The following C15orf40 variants were observed in gnomAD, a reference collection of about 807,000 sequenced individuals.
C15orf40 encodes the protein chromosome 15 open reading frame 40, also known as UPF0235 protein C15orf40.
A neutral mutation model predicts 13.9 loss-of-function variants in C15orf40; 9 were observed. The ratio of observed to expected loss-of-function variants is 0.65; its 90% confidence interval spans 0.39 to 1.13. C15orf40 has a LOEUF of 1.13. Ranked by LOEUF, C15orf40 falls within the 50% of genes most tolerant of loss-of-function variation. C15orf40 has a pLI of 0.01. For synonymous variants in C15orf40, 95 were observed against 69.2 expected (o/e 1.37, Z -1.85); for missense variants, 225 against 188.5 (o/e 1.19, Z -1.13).
chr15:83,004,963 C>T lies in C15orf40; in HGVS notation c.*634G>A, dbSNP rs1366045014. Reference sequence around the variant, plus strand: ...TTGCATGGTACAATCTTGAGTAAGTCTCTCAACTTCTGGATATAGGAAATC... The same window carrying T: ...TTGCATGGTACAATCTTGAGTAAGTTTCTCAACTTCTGGATATAGGAAATC... On this transcript the variant is annotated 3_prime_UTR_variant, in exon 4 of 4. Coordinates refer to ENST00000304177, the MANE Select transcript of C15orf40 (RefSeq NM_144597.3). 1 of 1,283,278 alleles carries T rather than the reference C, an allele frequency of 7.8e-7. No individual in the cohort carries two copies. The highest frequency in any genetic ancestry group is 2.3e-5 in the Admixed American group (1 of 43,132). 79.5% of individuals were successfully genotyped at this position (1,283,278 alleles called of 1,614,324 possible). A position where few individuals can be genotyped will look rare whatever the true frequency, so the allele number is the denominator to read the frequency against.
rs114478510 is a variant in C15orf40, at chr15:83,011,561, T to G, written c.47A>C (p.Asn16Thr). 2,793 of 1,605,888 alleles carry G rather than the reference T, an allele frequency of 1.7e-3. 18 individuals are homozygous for G. In the African/African-American group the frequency reaches 0.019, roughly 11 times the overall value. ...SGLRHLRATP[N>T]TRGSARLLCA... ...AAGAAGCCGAGCGGAGCCCCGAGTA[T>G]TGGGTGTTGCCCGAAGGTGCCTCAG... Residue 16 changes from asparagine (N) to threonine (T), a missense_variant, in exon 1 of 4, where the codon AAT (asparagine) becomes ACT (threonine). Asn to Thr is a moderately conservative substitution (Grantham distance 65). Coordinates refer to ENST00000304177, the MANE Select transcript of C15orf40 (RefSeq NM_144597.3).
downstream of C15orf40, chr15:82,994,767 A>T (rs1245240629): frequency 6.6e-6 from 1 of 152,204 alleles, no homozygotes; most frequent in East Asian, 1.9e-4. Flanking sequence ...GGATTTTGAA[A>T]TATTAAATAA....
At position 83,011,612 on chromosome 15, in the gene C15orf40, G is replaced by T. The variant is rs370200041; in HGVS notation, c.-5C>A. On this transcript the variant is annotated 5_prime_UTR_variant, in exon 1 of 4. Coordinates refer to ENST00000304177, the MANE Select transcript of C15orf40 (RefSeq NM_144597.3). ...CCCGCTGCGGAGCCGCAGCATCCCC[G>T]CCTGGGAAGGCGCCGGAAGAGCCCT... 1.9e-6 allele frequency: 3 copies of T among 1,568,094 alleles called. No homozygotes were observed. The highest frequency in any genetic ancestry group is 1.4e-5 in the African/African-American group (1 of 73,104).
chr15:83,009,254 C>T (rs2031866831), intron 2 of C15orf40, among the ~76,000 whole-genome samples: 1 of 152,206 alleles, frequency 6.6e-6, no homozygotes, highest in African/African-American at 2.4e-5. Context: ...TTTACAAATA[C>T]TAACTTCTTT....
At position 83,000,490 on chromosome 15, in the gene C15orf40, GAGA is replaced by G. The variant is rs1254170665; in HGVS notation, c.*5104_*5106del. 4.6e-5 allele frequency: 7 copies of G among 152,338 alleles called. No individual in the cohort carries two copies. The highest frequency in any genetic ancestry group is 1.4e-4 in the African/African-American group (6 of 41,564). 9.4% of individuals were successfully genotyped at this position (152,338 alleles called of 1,614,324 possible). A position where few individuals can be genotyped will look rare whatever the true frequency, so the allele number is the denominator to read the frequency against. On this transcript the variant is annotated 3_prime_UTR_variant, in exon 4 of 4. Coordinates refer to ENST00000304177, the MANE Select transcript of C15orf40 (RefSeq NM_144597.3). Reference sequence around the variant, plus strand: ...GCTTAAGGAATGGCTCTGAGAAAACGAGAAGGATCACAGCATGTGAGCCCGTAG... The same window carrying G: ...GCTTAAGGAATGGCTCTGAGAAAACGAGGATCACAGCATGTGAGCCCGTAG...
chr15:83,011,538 G>A lies in C15orf40; in HGVS notation c.70C>T (p.Leu24Phe), dbSNP rs193299797. Residue 24 changes from leucine (L) to phenylalanine (F), a missense_variant, in exon 1 of 4, where the codon CTT (leucine) becomes TTT (phenylalanine). Physicochemically the swap from Leu to Phe is conservative, Grantham distance 22 (BLOSUM62 0). Transcript: ENST00000304177. Reference sequence around the variant, plus strand: ...GCCTTCTTAGGCATCTCGGCGCAAAGAAGCCGAGCGGAGCCCCGAGTATTG... The same window carrying A: ...GCCTTCTTAGGCATCTCGGCGCAAAAAAGCCGAGCGGAGCCCCGAGTATTG... Reference protein sequence around the residue: ...TPNTRGSARLLCAEMPKKAGA... With the variant: ...TPNTRGSARLFCAEMPKKAGA... 1.9e-6 allele frequency: 3 copies of A among 1,606,216 alleles called. No homozygotes were observed. Among genetic ancestry groups the A allele is most frequent in the African/African-American group, 2.7e-5 (2 of 74,682 alleles).
chr15:82,991,787 C>G (rs1412644932), downstream of C15orf40: 3 of 927,654 alleles, frequency 3.2e-6, no homozygotes, highest in Non-Finnish European at 4.5e-6. Flanking sequence ...TTCCCTGTAA[C>G]CTCCCTAATT....
chr15:82,997,275 G>T lies in C15orf40; in HGVS notation c.*8322C>A, dbSNP rs1214670735. 1 of 145,646 alleles carries T rather than the reference G, an allele frequency of 6.9e-6. No individual in the cohort carries two copies. Among genetic ancestry groups the T allele is most frequent in the Non-Finnish European group, 1.5e-5 (1 of 66,780 alleles). The allele number at this position is 145,646 out of a possible 1,614,324, so 9.0% of individuals were successfully genotyped here. A position where few individuals can be genotyped will look rare whatever the true frequency, so the allele number is the denominator to read the frequency against. ...ATTCTTGGGTGTTTCTCACAGAGGG[G>T]GATTTGGCAGGGAAGGTCAGCAGAT... is the stretch of plus-strand genomic sequence containing the variant. On this transcript the variant is annotated 3_prime_UTR_variant, in exon 4 of 4. Transcript: ENST00000304177.
downstream of C15orf40, chr15:82,989,194 T>C (rs1359172197): frequency 4.3e-6 from 7 of 1,610,496 alleles, no homozygotes; most frequent in Non-Finnish European, 5.1e-6. Context: ...AATCGGTGTG[T>C]ATTCAAAAGA....
At chr15:82,990,148 T>G, downstream of C15orf40, 4 of 550,560 alleles carry the variant, frequency 7.3e-6, no homozygotes, top group East Asian at 1.2e-4. Flanking sequence ...TGGTCATAGT[T>G]TTACATCTGA....
At chr15:82,994,292 T>A (rs1463124918), downstream of C15orf40, among the ~76,000 whole-genome samples, 1 of 152,218 alleles carries the variant, frequency 6.6e-6, no homozygotes, top group Admixed American at 6.5e-5. Flanking sequence ...AGCACTAATT[T>A]TGAACTCTCA....
At position 83,000,192 on chromosome 15, in the gene C15orf40, G is replaced by T. The variant is rs1487769185; in HGVS notation, c.*5405C>A. ...AAGGGACAGAATGTTCTCACTAGCAGATCCCACTATACAGTCTATTTGGCA... is the reference window on the plus strand; with the variant it reads ...AAGGGACAGAATGTTCTCACTAGCATATCCCACTATACAGTCTATTTGGCA... On this transcript the variant is annotated 3_prime_UTR_variant, in exon 4 of 4. Coordinates refer to ENST00000304177, the MANE Select transcript of C15orf40 (RefSeq NM_144597.3). 6.6e-6 allele frequency: 1 copy of T among 152,208 alleles called. No homozygotes were observed. The highest frequency in any genetic ancestry group is 2.4e-5 in the African/African-American group (1 of 41,444). 9.4% of individuals were successfully genotyped at this position (152,208 alleles called of 1,614,324 possible). A position where few individuals can be genotyped will look rare whatever the true frequency, so the allele number is the denominator to read the frequency against.
At chr15:82,991,893 A>C (rs1250389450), downstream of C15orf40, 5 of 1,288,828 alleles carry the variant, frequency 3.9e-6, no homozygotes, top group South Asian at 6.2e-5. Context: ...TACACCCCAG[A>C]ATCTTCTCTG....
At chr15:82,993,902 C>T (rs2030955102), downstream of C15orf40, among the ~76,000 whole-genome samples, 2 of 152,292 alleles carry the variant, frequency 1.3e-5, no homozygotes, top group South Asian at 4.1e-4. Context: ...TTACTGAACA[C>T]ATCAGATTAA....
rs566977987 is a variant in C15orf40 at position 83,008,260 on chromosome 15, TC to T, written c.366+287del. On this transcript the variant is annotated intron_variant, in intron 3 of 3. Transcript: ENST00000304177. ...ACCTCCGGGCATGGTGGCTCATACC[TC>T]TAATCCCAGCGCTTCGGGAGGAGAA... The T allele has an allele frequency of 3.3e-4, 116 of 354,824 alleles. 1 individual carries two copies. Among genetic ancestry groups the T allele is most frequent in the African/African-American group, 2.3e-3 (105 of 46,436 alleles). The allele number at this position is 354,824 out of a possible 1,614,324, so 22.0% of individuals were successfully genotyped here.
intron 3 of C15orf40, 112 bp from the exon 4 acceptor site, chr15:83,005,804 T>C: frequency 7.2e-7 from 1 of 1,393,100 alleles, no homozygotes; most frequent in Non-Finnish European, 9.4e-7. Flanking sequence ...TCTTGGTTAC[T>C]TCTGGTCTAA....
chr15:82,998,159 C>A lies in C15orf40; in HGVS notation c.*7438G>T, dbSNP rs1242465578. On this transcript the variant is annotated 3_prime_UTR_variant, in exon 4 of 4. Transcript: ENST00000304177. ...TCACCTCCCGGACGGGGCGGCTGGC[C>A]GGGCGGGGGGCTGACCCCCCACCTC... The A allele has an allele frequency of 7.8e-6, 1 of 128,086 alleles. No individual in the cohort carries two copies. The highest frequency in any genetic ancestry group is 3.0e-5 in the African/African-American group (1 of 33,232). 7.9% of individuals were successfully genotyped at this position (128,086 alleles called of 1,614,324 possible).
chr15:83,005,371 G>T lies in C15orf40; in HGVS notation c.*226C>A. ...GCGATCTCGGCTTACTGCAACCTCCGCCCCCCAGGTTCAAGTGATTCTCCT... is the reference window on the plus strand; with the variant it reads ...GCGATCTCGGCTTACTGCAACCTCCTCCCCCCAGGTTCAAGTGATTCTCCT... On this transcript the variant is annotated 3_prime_UTR_variant, in exon 4 of 4. Coordinates refer to ENST00000304177, the MANE Select transcript of C15orf40 (RefSeq NM_144597.3). The T allele has an allele frequency of 1.4e-6, 1 of 708,472 alleles. No homozygotes were observed. The highest frequency in any genetic ancestry group is 1.8e-6 in the Non-Finnish European group (1 of 551,716). 43.9% of individuals were successfully genotyped at this position (708,472 alleles called of 1,614,324 possible).
chr15:83,004,354 T>C lies in C15orf40; in HGVS notation c.*1243A>G, dbSNP rs987180819. ...TTGGTCCATCAATACATCTTTCTCATGTACTTGCTGGACAAAGCGCACAAC... is the reference window on the plus strand; with the variant it reads ...TTGGTCCATCAATACATCTTTCTCACGTACTTGCTGGACAAAGCGCACAAC... On this transcript the variant is annotated 3_prime_UTR_variant, in exon 4 of 4. Coordinates refer to ENST00000304177, the MANE Select transcript of C15orf40 (RefSeq NM_144597.3). 7.1e-6 allele frequency: 7 copies of C among 985,434 alleles called. No homozygotes were observed. The highest frequency in any genetic ancestry group is 7.2e-6 in the Non-Finnish European group (6 of 829,924). 61.0% of individuals were successfully genotyped at this position (985,434 alleles called of 1,614,324 possible).
Sources: allele counts gnomAD v4.1 joint callset (sites outside exome capture counted in the v4.1 genomes callset), GRCh38; gene constraint gnomAD v4.1.1; transcripts MANE v1.5; gene names NCBI Gene and HGNC (gene_info 2026-07-23, HGNC 2026-07-21).